Variants in CNTNAP2 observed in about 807,000 individuals in gnomAD.
CNTNAP2 encodes the protein contactin associated protein 2, also known as contactin-associated protein-like 2.
In CNTNAP2, 98 loss-of-function variants were observed where a neutral mutation model predicts 155.2. The ratio of observed to expected loss-of-function variants is 0.63; its 90% CI spans 0.54 to 0.75. The LOEUF (loss-of-function observed/expected upper bound fraction) is 0.75, where lower values mean the gene tolerates loss of function less well. Ranked by LOEUF, CNTNAP2 falls within the 30% of genes least tolerant of loss-of-function variation. CNTNAP2 has a pLI of 0.00. For synonymous variants in CNTNAP2, 651 were observed against 631.2 expected (o/e 1.03, Z -0.47); for missense variants, 1,727 against 1,688.1 (o/e 1.02, Z -0.40).
rs71175637 is a variant in CNTNAP2, at chr7:146,170,018, C to CTTT, written c.97+53060_97+53062dup. ...GCTGGATCTAGACTTCCTTTCTTTT[C>CTTT]TTTTTTTTTTTTTTTTTGGAGTGGG... On this transcript the variant is annotated intron_variant, in intron 1 of 23. Transcript: ENST00000361727. Among the ~76,000 whole-genome samples the CTTT allele has an allele frequency of 7.4e-3, 933 of 126,906 alleles. 10 individuals are homozygous for CTTT. The highest frequency in any genetic ancestry group is 0.021 in the Middle Eastern group (5 of 236). 83.3% of individuals were successfully genotyped at this position (126,906 alleles called of 152,430 possible). A position where few individuals can be genotyped will look rare whatever the true frequency, so the allele number is the denominator to read the frequency against.
chr7:146,862,029 A>G (rs1273168542), intron 3 of CNTNAP2, among the ~76,000 whole-genome samples: 3 of 152,126 alleles, frequency 2.0e-5, no homozygotes, highest in Non-Finnish European at 4.4e-5. Context: ...ATCCTCTTGT[A>G]TAAAGGCTAA....
chr7:147,467,704 A>G (rs1032302555), intron 10 of CNTNAP2, among the ~76,000 whole-genome samples: 3 of 152,220 alleles, frequency 2.0e-5, no homozygotes, highest in African/African-American at 7.2e-5. Context: ...ATATTATCCA[A>G]TAACAATTAC....
chr7:147,753,677 CTCT>C (rs1797173500), intron 13 of CNTNAP2, among the ~76,000 whole-genome samples: 1 of 152,122 alleles, frequency 6.6e-6, no homozygotes. Context: ...CAAGAGAAGT[CTCT>C]TCTTGACATT....
At chr7:148,397,521 G>A (rs940780377) in intron 22 of CNTNAP2, among the ~76,000 whole-genome samples, 3 of 152,040 alleles carry the variant, frequency 2.0e-5, no homozygotes, top group African/African-American at 7.3e-5. Context: ...TAAATATAAT[G>A]CAGAAGTCTG....
intron 3 of CNTNAP2, among the ~76,000 whole-genome samples, chr7:146,944,594 G>A (rs1180585392): frequency 2.0e-5 from 3 of 152,172 alleles, no homozygotes; most frequent in Admixed American, 1.3e-4. Flanking sequence ...AAATCTTAAG[G>A]CTGCCCAGGC....
At chr7:146,914,818 A>T (rs75863396) in intron 3 of CNTNAP2, among the ~76,000 whole-genome samples, 7,131 of 150,770 alleles carry the variant, frequency 0.047, 538 homozygotes, top group African/African-American at 0.16. Flanking sequence ...AGGTTCCATC[A>T]ATTTATCTTT....
intron 10 of CNTNAP2, among the ~76,000 whole-genome samples, chr7:147,447,795 A>ATATATATAG (rs1158838464): frequency 6.6e-6 from 1 of 151,648 alleles, no homozygotes; most frequent in Non-Finnish European, 1.5e-5. Context: ...ATGTAAATAA[A>ATATATATAG]TATATATAGT....
chr7:146,326,348 A>G (rs1049757013), intron 1 of CNTNAP2, among the ~76,000 whole-genome samples: 1 of 152,228 alleles, frequency 6.6e-6, no homozygotes, highest in Non-Finnish European at 1.5e-5. Flanking sequence ...TTCAAAACGA[A>G]TTAATGCATT....
chr7:146,234,035 C>G (rs199871929), intron 1 of CNTNAP2, among the ~76,000 whole-genome samples: 25,264 of 148,012 alleles, frequency 0.17, 2,708 homozygotes, highest in East Asian at 0.29. Context: ...CCTGAGGAAT[C>G]GCCACACTGA....
intron 21 of CNTNAP2, among the ~76,000 whole-genome samples, chr7:148,321,489 C>A (rs1317142275): frequency 6.6e-6 from 1 of 152,174 alleles, no homozygotes; most frequent in East Asian, 1.9e-4. Context: ...ACCTAGCACA[C>A]CATCTGGGTC....
chr7:147,892,893 G>A (rs1468859986), intron 13 of CNTNAP2, among the ~76,000 whole-genome samples: 3 of 152,090 alleles, frequency 2.0e-5, no homozygotes, highest in African/African-American at 7.2e-5. Flanking sequence ...CTAATCAACT[G>A]CATTTATTTC....
Position 148,380,918 on chromosome 7 carries a change from A to G in CNTNAP2, c.3476-2731A>G, listed in dbSNP as rs1339067250. On this transcript the variant is annotated intron_variant, in intron 21 of 23. Coordinates refer to ENST00000361727, the MANE Select transcript of CNTNAP2 (RefSeq NM_014141.6). ...CCCAGCCCACAGCTTTCAACTCCTCATGGGAGGAAGCACGCATGTGAATGA... is the reference window on the plus strand; with the variant it reads ...CCCAGCCCACAGCTTTCAACTCCTCGTGGGAGGAAGCACGCATGTGAATGA... Among the ~76,000 whole-genome samples the G allele has an allele frequency of 2.6e-5, 4 of 152,332 alleles. No homozygotes were observed. In the South Asian group the frequency reaches 6.2e-4, roughly 24 times the overall value.
At chr7:146,347,098 A>G (rs751007745) in intron 1 of CNTNAP2, among the ~76,000 whole-genome samples, 7 of 149,318 alleles carry the variant, frequency 4.7e-5, no homozygotes, top group South Asian at 4.3e-4. Context: ...GCATGTATCA[A>G]TGGAAAGCCA....
intron 21 of CNTNAP2, among the ~76,000 whole-genome samples, chr7:148,342,015 C>T (rs1798245198): frequency 6.6e-6 from 1 of 152,142 alleles, no homozygotes; most frequent in Non-Finnish European, 1.5e-5. Context: ...GAGGCTTAGC[C>T]AACGCATCTG....
chr7:147,901,688 T>C (rs1299181127), intron 13 of CNTNAP2, among the ~76,000 whole-genome samples: 1 of 152,238 alleles, frequency 6.6e-6, no homozygotes, highest in African/African-American at 2.4e-5. Context: ...CTCAACTATT[T>C]TGCCTCCTCT....
intron 1 of CNTNAP2, among the ~76,000 whole-genome samples, chr7:146,744,547 A>G (rs1585070096): frequency 1.3e-5 from 2 of 152,304 alleles, no homozygotes; most frequent in South Asian, 4.1e-4. Context: ...CATTTCAAGG[A>G]GCAAATTGCT....
intron 1 of CNTNAP2, among the ~76,000 whole-genome samples, chr7:146,485,311 G>A (rs1467577081): frequency 1.3e-5 from 2 of 152,162 alleles, no homozygotes. Context: ...CTGGGAGGGA[G>A]GATGTAAGAT....
In CNTNAP2 at chr7:148,420,284, C is replaced by G. The variant is rs1473802079; in HGVS notation, c.*4668C>G. The G allele has an allele frequency of 6.6e-6, 1 of 152,246 alleles. No individual in the cohort carries two copies. Among genetic ancestry groups the G allele is most frequent in the African/African-American group, 2.4e-5 (1 of 41,466 alleles). The allele number at this position is 152,246 out of a possible 1,614,324, so 9.4% of individuals were successfully genotyped here. A position where few individuals can be genotyped will look rare whatever the true frequency, so the allele number is the denominator to read the frequency against. The stretch of plus-strand genomic sequence containing the variant: ...CTTATACATAGGCCAACACAAAATA[C>G]AAACGTGACGTGTTCATGTAGCCTA... On this transcript the variant is annotated 3_prime_UTR_variant, in exon 24 of 24. Coordinates refer to ENST00000361727, the MANE Select transcript of CNTNAP2 (RefSeq NM_014141.6).
At chr7:147,142,017 G>A (rs940585356) in intron 8 of CNTNAP2, among the ~76,000 whole-genome samples, 18 of 152,158 alleles carry the variant, frequency 1.2e-4, no homozygotes, top group Non-Finnish European at 2.5e-4. Flanking sequence ...TGTCATCTGC[G>A]AACAGTGACA....
Sources: allele counts gnomAD v4.1 joint callset (sites outside exome capture counted in the v4.1 genomes callset), GRCh38; gene constraint gnomAD v4.1.1; transcripts MANE v1.5; gene names NCBI Gene and HGNC (gene_info 2026-07-23, HGNC 2026-07-21).